KCNQ5: variants seen among roughly 807,000 people sequenced by gnomAD.
The protein encoded by KCNQ5 is potassium voltage-gated channel subfamily KQT member 5.
In KCNQ5, 30 loss-of-function variants were observed where a neutral mutation model predicts 98.2. The ratio of observed to expected loss-of-function variants is 0.31; its 90% CI spans 0.23 to 0.41. The LOEUF (loss-of-function observed/expected upper bound fraction) is 0.41. Among genes scored for constraint, KCNQ5 ranks in the 10% least tolerant of loss-of-function variants. The probability of loss-of-function intolerance (pLI) is 1.00; values close to 1 mark genes in which losing one functional copy is unlikely to be tolerated. For synonymous variants in KCNQ5, 458 were observed against 449.4 expected, an observed-to-expected ratio of 1.02 and a Z score of -0.24; for missense variants, 835 against 1,182.5, an observed-to-expected ratio of 0.71 and a Z score of 4.31.
intron 1 of KCNQ5, among the ~76,000 whole-genome samples, chr6:72,832,688 T>A (rs1294936811): frequency 1.3e-5 from 2 of 152,224 alleles, no homozygotes; most frequent in African/African-American, 4.8e-5. Flanking sequence ...CAAGGGTCTC[T>A]AATTCTTCCT....
At chr6:73,026,439 G>C (rs1387366296) in intron 2 of KCNQ5, among the ~76,000 whole-genome samples, 2 of 151,992 alleles carry the variant, frequency 1.3e-5, no homozygotes, top group African/African-American at 4.8e-5. Flanking sequence ...ATATCTGCTT[G>C]ACTCCCTTAA....
chr6:72,963,677 T>C (rs1767479115), intron 1 of KCNQ5, among the ~76,000 whole-genome samples: 1 of 152,160 alleles, frequency 6.6e-6, no homozygotes, highest in Admixed American at 6.5e-5. Flanking sequence ...TTTATTTATT[T>C]ATTGAGATAG....
rs577368004 is a variant in KCNQ5, at chr6:72,764,364, T to G, written c.398+141777T>G. 1.9e-4 allele frequency among the ~76,000 whole-genome samples: 29 copies of G among 152,116 alleles called. No homozygotes were observed. In the South Asian group the frequency reaches 5.0e-3, roughly 26 times the overall value. ...AATATAAACTATTTGGTGTGACAAA[T>G]AAATATTAAGTATCTGCTATGTGCT... On this transcript the variant is annotated intron_variant, in intron 1 of 13. Transcript: ENST00000370398.
chr6:73,124,970 TATATATATATACAC>T (rs1488053832), intron 9 of KCNQ5, among the ~76,000 whole-genome samples: 473 of 19,752 alleles, frequency 0.024, 15 homozygotes, highest in Middle Eastern at 0.056. Flanking sequence ...TATATATATA[TATATATATATACAC>T]ACACACACAT....
At chr6:72,713,312 C>A (rs1769469799) in intron 1 of KCNQ5, among the ~76,000 whole-genome samples, 1 of 152,178 alleles carries the variant, frequency 6.6e-6, no homozygotes, top group Non-Finnish European at 1.5e-5. Flanking sequence ...CCACCCTTCC[C>A]CAGCCGTCAT....
intron 1 of KCNQ5, among the ~76,000 whole-genome samples, chr6:72,692,583 A>T (rs1768266765): frequency 6.6e-6 from 1 of 152,160 alleles, no homozygotes. Context: ...ACATTTTGAA[A>T]TTTTCTAAGG....
At chr6:72,827,168 T>A (rs937897391) in intron 1 of KCNQ5, among the ~76,000 whole-genome samples, 1 of 152,194 alleles carries the variant, frequency 6.6e-6, no homozygotes, top group African/African-American at 2.4e-5. Context: ...CTATTGTGAA[T>A]AGTGTGGCAA....
chr6:73,149,236 G>T (rs1387827009), intron 10 of KCNQ5, among the ~76,000 whole-genome samples: 1 of 152,154 alleles, frequency 6.6e-6, no homozygotes, highest in Non-Finnish European at 1.5e-5. Context: ...GACAGAATAG[G>T]AAATACATAT....
intron 1 of KCNQ5, among the ~76,000 whole-genome samples, chr6:72,709,439 G>A (rs113421636): frequency 1.6e-4 from 24 of 152,210 alleles, no homozygotes; most frequent in African/African-American, 5.3e-4. Flanking sequence ...CTTTTCTCCT[G>A]TAATTTACAT....
chr6:73,175,393 GC>G (rs138525460), intron 11 of KCNQ5, among the ~76,000 whole-genome samples: 24,737 of 151,476 alleles, frequency 0.16, 2,310 homozygotes, highest in East Asian at 0.35. Context: ...CAGGTGATCT[GC>G]CCCCCCCTTG....
At chr6:72,840,417 C>T (rs1224485347) in intron 1 of KCNQ5, among the ~76,000 whole-genome samples, 1 of 152,162 alleles carries the variant, frequency 6.6e-6, no homozygotes, top group African/African-American at 2.4e-5. Context: ...AATTTATACA[C>T]AAAACTTGGA....
intron 1 of KCNQ5, among the ~76,000 whole-genome samples, chr6:72,938,313 G>A (rs904517977): frequency 6.6e-6 from 1 of 152,126 alleles, no homozygotes; most frequent in African/African-American, 2.4e-5. Flanking sequence ...TGATAGAAAT[G>A]ATTTCATAAG....
chr6:72,812,796 A>C (rs1345860988), intron 1 of KCNQ5, among the ~76,000 whole-genome samples: 1 of 152,238 alleles, frequency 6.6e-6, no homozygotes, highest in Non-Finnish European at 1.5e-5. Context: ...CAAAGGCTTT[A>C]AGAACAAGTG....
At chr6:72,995,682 A>G (rs1351210249) in intron 1 of KCNQ5, among the ~76,000 whole-genome samples, 4 of 152,158 alleles carry the variant, frequency 2.6e-5, no homozygotes, top group Admixed American at 2.6e-4. Flanking sequence ...TAAGGGTAAA[A>G]CATTAGGAGG....
At chr6:72,729,498 G>T (rs568902574) in intron 1 of KCNQ5, among the ~76,000 whole-genome samples, 1 of 152,290 alleles carries the variant, frequency 6.6e-6, no homozygotes, top group East Asian at 1.9e-4. Flanking sequence ...ATGTTGGCCA[G>T]GCTGGTCAAA....
intron 1 of KCNQ5, among the ~76,000 whole-genome samples, chr6:72,816,351 A>G (rs4707995): frequency 0.67 from 101,782 of 152,012 alleles, 35,088 homozygotes; most frequent in African/African-American, 0.85. Context: ...AAGATGGTTG[A>G]TAGCAAAAGC....
chr6:73,132,351 CA>C (rs1215843419), intron 9 of KCNQ5, among the ~76,000 whole-genome samples: 4 of 151,920 alleles, frequency 2.6e-5, no homozygotes, highest in Non-Finnish European at 5.9e-5. Flanking sequence ...ACATTGATGA[CA>C]GTATCACCTT....
intron 1 of KCNQ5, among the ~76,000 whole-genome samples, chr6:72,945,933 G>A (rs1278244783): frequency 6.6e-6 from 1 of 152,096 alleles, no homozygotes; most frequent in African/African-American, 2.4e-5. Context: ...AACAACACTG[G>A]AAGTAAGTAC....
intron 10 of KCNQ5, among the ~76,000 whole-genome samples, chr6:73,164,987 T>C (rs561478377): frequency 6.6e-6 from 1 of 152,030 alleles, no homozygotes; most frequent in Non-Finnish European, 1.5e-5. Flanking sequence ...GGAATCTTTT[T>C]TTTTTTTAAG....
Sources: gnomAD v4.1 joint callset for allele counts (sites outside exome capture counted in the v4.1 genomes callset) on GRCh38, gnomAD v4.1.1 for gene constraint, MANE v1.5 for transcripts, NCBI Gene and HGNC (gene_info 2026-07-23, HGNC 2026-07-21) for gene names.